GLMN: variants seen among roughly 807,000 people sequenced by gnomAD.
GLMN encodes the protein glomulin, FKBP associated protein, also known as glomulin.
A neutral mutation model predicts 87.8 loss-of-function variants in GLMN; 75 were observed. That is an observed-to-expected ratio of 0.85 (90% CI 0.71 to 1.04). The LOEUF is 1.04. Among genes scored for constraint, GLMN ranks in the 50% least tolerant of loss-of-function variants. GLMN has a pLI of 0.00. For synonymous variants in GLMN, 206 were observed against 221.6 expected, an observed-to-expected ratio of 0.93 and a Z score of 0.63; for missense variants, 588 against 658.8, an observed-to-expected ratio of 0.89 and a Z score of 1.18.
At chr1:92,297,306 A>C (rs1650207967) in intron 3 of GLMN, 98 bp downstream of exon 3, 2 of 1,490,616 alleles carry the variant, frequency 1.3e-6, no homozygotes, top group East Asian at 4.6e-5. Flanking sequence ...AAATTTAAGT[A>C]GATTCTTAAA....
chr1:92,288,580 C>T (rs536437625), intron 6 of GLMN, among the ~76,000 whole-genome samples: 2 of 152,160 alleles, frequency 1.3e-5, no homozygotes, highest in African/African-American at 2.4e-5. Context: ...GTATATGCCA[C>T]TACATCTAGC....
the GLMN span, chr1:92,304,250 G>A: frequency 1.5e-6 from 2 of 1,347,204 alleles, no homozygotes; most frequent in South Asian, 2.5e-5. Flanking sequence ...TTATTATTTG[G>A]ATTCTTTTGT....
chr1:92,360,410 G>A, the GLMN span, among the ~76,000 whole-genome samples: 2 of 152,148 alleles, frequency 1.3e-5, no homozygotes, highest in East Asian at 1.9e-4. Flanking sequence ...AGCAAATGCC[G>A]ACTACTCTTT....
At chr1:92,316,295 A>G in the GLMN span, among the ~76,000 whole-genome samples, 4 of 152,188 alleles carry the variant, frequency 2.6e-5, no homozygotes, top group Admixed American at 2.0e-4. Context: ...CAGAACAACT[A>G]TAACCTCTTC....
At chr1:92,255,434 C>T (rs185464876) in intron 16 of GLMN, among the ~76,000 whole-genome samples, 19 of 152,306 alleles carry the variant, frequency 1.2e-4, no homozygotes, top group Middle Eastern at 3.4e-3. Context: ...GAACTCTCCA[C>T]CCCAAATCAA....
chr1:92,339,672 G>A, the GLMN span, among the ~76,000 whole-genome samples: 1 of 151,730 alleles, frequency 6.6e-6, no homozygotes, highest in African/African-American at 2.4e-5. Context: ...TTCCGCCATA[G>A]AATTGATAAG....
chr1:92,265,957 A>C (rs1173400004), intron 13 of GLMN, among the ~76,000 whole-genome samples: 2 of 152,174 alleles, frequency 1.3e-5, no homozygotes, highest in Non-Finnish European at 2.9e-5. Context: ...AAAGTTTACC[A>C]ATCTTTAACT....
intron 7 of GLMN, among the ~76,000 whole-genome samples, chr1:92,273,441 GTTTTTTT>G (rs563200839): frequency 3.7e-5 from 4 of 109,452 alleles, no homozygotes; most frequent in Non-Finnish European, 5.6e-5. Context: ...AGGTAGCCCT[GTTTTTTT>G]TTTTTTTTTT....
the GLMN span, chr1:92,345,984 G>T: frequency 9.3e-7 from 1 of 1,077,174 alleles, no homozygotes; most frequent in Admixed American, 2.0e-5. Context: ...AAAACAAAGT[G>T]ATCCACTGAT....
At chr1:92,252,882 G>A (rs1261314840) in intron 16 of GLMN, among the ~76,000 whole-genome samples, 1 of 152,018 alleles carries the variant, frequency 6.6e-6, no homozygotes, top group East Asian at 1.9e-4. Flanking sequence ...CAGTTCTAAG[G>A]CTTAAAACTA....
chr1:92,347,247 T>G, the GLMN span, among the ~76,000 whole-genome samples: 6 of 152,236 alleles, frequency 3.9e-5, no homozygotes, highest in East Asian at 1.2e-3. Context: ...ATTGGTAATT[T>G]GTGAAACAGA....
chr1:92,297,607 GATTT>G (rs2101074157), intron 2 of GLMN, 78 bp from the exon 3 acceptor site: 1 of 1,203,206 alleles, frequency 8.3e-7, no homozygotes, highest in South Asian at 1.3e-5. Context: ...ATAACTTCTT[GATTT>G]ATCTATGAAA....
chr1:92,279,094 C>CATTTAGT (rs61406921), intron 7 of GLMN, among the ~76,000 whole-genome samples: 130,953 of 151,778 alleles, frequency 0.86, 56,922 homozygotes, highest in East Asian at 1. Flanking sequence ...CTGTCTCTTG[C>CATTTAGT]ATGTCCTAAC....
chr1:92,360,004 T>G, the GLMN span, among the ~76,000 whole-genome samples: 130,979 of 151,798 alleles, frequency 0.86, 56,934 homozygotes, highest in East Asian at 1. Flanking sequence ...GTCTGGTAAT[T>G]TGGTAGTGTT....
At chr1:92,310,240 T>C in the GLMN span, among the ~76,000 whole-genome samples, 4 of 152,222 alleles carry the variant, frequency 2.6e-5, no homozygotes, top group African/African-American at 9.6e-5. Context: ...AATTTCCAAA[T>C]TCTTAGGGGC....
intron 7 of GLMN, among the ~76,000 whole-genome samples, chr1:92,284,373 G>T (rs188867663): frequency 6.6e-6 from 1 of 152,268 alleles, no homozygotes; most frequent in Admixed American, 6.5e-5. Context: ...AATGGGGAAA[G>T]GATTCCCTAT....
the GLMN span, among the ~76,000 whole-genome samples, chr1:92,353,306 C>T: frequency 6.6e-6 from 1 of 152,122 alleles, no homozygotes; most frequent in Non-Finnish European, 1.5e-5. Context: ...TACATTTCCA[C>T]TAGCAAAGTA....
chr1:92,328,849 G>C, the GLMN span, among the ~76,000 whole-genome samples: 1 of 152,168 alleles, frequency 6.6e-6, no homozygotes, highest in African/African-American at 2.4e-5. Flanking sequence ...CCTTGATTTG[G>C]TGCTCTCCTC....
chr1:92,295,443 C>T (rs775326806), intron 3 of GLMN, among the ~76,000 whole-genome samples: 1 of 152,116 alleles, frequency 6.6e-6, no homozygotes, highest in Non-Finnish European at 1.5e-5. Flanking sequence ...ACCTTATTTT[C>T]CAATTGACTG....
Sources: gnomAD v4.1 joint callset for allele counts (sites outside exome capture counted in the v4.1 genomes callset) on GRCh38, gnomAD v4.1.1 for gene constraint, MANE v1.5 for transcripts, NCBI Gene and HGNC (gene_info 2026-07-23, HGNC 2026-07-21) for gene names.